The following SEMA3C variants were observed in gnomAD, a reference collection of about 807,000 sequenced individuals.
SEMA3C encodes the protein semaphorin-3C.
A neutral mutation model predicts 89.4 loss-of-function variants in SEMA3C; 47 were observed. The observed-to-expected ratio is 0.53, with a 90% confidence interval of 0.42 to 0.67. SEMA3C has a LOEUF of 0.67. Among genes scored for constraint, SEMA3C ranks in the 30% least tolerant of loss-of-function variants. The probability of loss-of-function intolerance (pLI) is 0.00; values close to 1 mark genes in which losing one functional copy is unlikely to be tolerated. For synonymous variants in SEMA3C, 310 were observed against 320.2 expected, an observed-to-expected ratio of 0.97 and a Z score of 0.34; for missense variants, 839 against 929.1, an observed-to-expected ratio of 0.90 and a Z score of 1.26.
At chr7:80,888,755 T>A (rs905544992) in intron 2 of SEMA3C, among the ~76,000 whole-genome samples, 1 of 152,186 alleles carries the variant, frequency 6.6e-6, no homozygotes, top group African/African-American at 2.4e-5. Flanking sequence ...TAAAATATTA[T>A]AACCACAATA....
chr7:80,829,133 C>T (rs1055103478), intron 2 of SEMA3C, among the ~76,000 whole-genome samples: 11 of 151,990 alleles, frequency 7.2e-5, no homozygotes, highest in South Asian at 4.2e-4. Flanking sequence ...TGCTACTGCA[C>T]GCCAGCTCTG....
chr7:80,862,808 T>C (rs1414536003), intron 2 of SEMA3C, among the ~76,000 whole-genome samples: 1 of 152,128 alleles, frequency 6.6e-6, no homozygotes, highest in Non-Finnish European at 1.5e-5. Flanking sequence ...AGTCAACTGA[T>C]CTTCAACATA....
At chr7:80,918,321 GTACATA>G (rs1200574742) in intron 1 of SEMA3C, 3 of 152,044 alleles carry the variant, frequency 2.0e-5, no homozygotes, top group East Asian at 1.9e-4. Context: ...TCTCCCAAAA[GTACATA>G]TACAACCAAT....
intron 2 of SEMA3C, among the ~76,000 whole-genome samples, chr7:80,885,673 T>C (rs886882903): frequency 6.6e-6 from 1 of 152,072 alleles, no homozygotes; most frequent in African/African-American, 2.4e-5. Context: ...CACATGAAAA[T>C]ACAATTGTTT....
At chr7:80,913,521 T>C (rs903673497) in intron 2 of SEMA3C, among the ~76,000 whole-genome samples, 1 of 152,250 alleles carries the variant, frequency 6.6e-6, no homozygotes, top group South Asian at 2.1e-4. Flanking sequence ...GTCATGCATA[T>C]GCAAATGTAA....
chr7:80,805,891 T>C (rs1178654344), intron 6 of SEMA3C, 133 bp from the exon 7 acceptor site: 4 of 520,528 alleles, frequency 7.7e-6, no homozygotes, highest in East Asian at 3.2e-5. Context: ...TATTAATTGG[T>C]TTGCATTGTC....
intron 2 of SEMA3C, among the ~76,000 whole-genome samples, chr7:80,838,659 A>T (rs1790193498): frequency 6.6e-6 from 1 of 152,196 alleles, no homozygotes; most frequent in Non-Finnish European, 1.5e-5. Context: ...TCACAGTTTC[A>T]CATGGCTGTG....
intron 5 of SEMA3C, among the ~76,000 whole-genome samples, chr7:80,812,150 A>C (rs1344256510): frequency 1.3e-5 from 2 of 152,202 alleles, no homozygotes. Context: ...CTCCTTGAAA[A>C]AATAAAGCTA....
chr7:80,916,354 T>C (rs891734024), intron 2 of SEMA3C, among the ~76,000 whole-genome samples: 2 of 152,194 alleles, frequency 1.3e-5, no homozygotes, highest in Non-Finnish European at 2.9e-5. Flanking sequence ...TTTCTTAACA[T>C]TACCAGGTGA....
intron 2 of SEMA3C, among the ~76,000 whole-genome samples, chr7:80,909,504 G>A (rs927207981): frequency 2.0e-5 from 3 of 152,284 alleles, no homozygotes; most frequent in Non-Finnish European, 2.9e-5. Context: ...TAGGTAGAAT[G>A]TTTTATACTT....
rs759761200 is a variant in SEMA3C, at chr7:80,765,199, A to G, written c.1399T>C (p.Ser467Pro). The stretch of plus-strand genomic sequence containing the variant: ...TCCAGAATGAGCTCGCCACTGACAG[A>G]GTTGTTAGTAGGAAGAACAACCACT... ...QKVVVLPTNN[S>P]VSGELILEEL... The change falls in exon 13 of 18, where the codon TCT becomes CCT. Residue 467 changes from serine to proline, a missense_variant. Ser to Pro is a moderately conservative substitution (Grantham distance 74, BLOSUM62 -1). Coordinates refer to ENST00000265361, the MANE Select transcript of SEMA3C (RefSeq NM_006379.5). The G allele has an allele frequency of 1.2e-6, 2 of 1,613,856 alleles. No homozygotes were observed. Among genetic ancestry groups the G allele is most frequent in the Non-Finnish European group, 1.7e-6 (2 of 1,179,870 alleles).
intron 11 of SEMA3C, among the ~76,000 whole-genome samples, chr7:80,793,092 G>A (rs1788981224): frequency 6.6e-6 from 1 of 152,106 alleles, no homozygotes; most frequent in Non-Finnish European, 1.5e-5. Context: ...AAGTAATTTT[G>A]GTTAAACTTC....
chr7:80,842,018 C>T (rs958814646), intron 2 of SEMA3C, among the ~76,000 whole-genome samples: 3 of 152,166 alleles, frequency 2.0e-5, no homozygotes, highest in African/African-American at 7.2e-5. Context: ...GCTCCCTTTT[C>T]TCCTTTTTTC....
chr7:80,782,273 C>T (rs1788708124), intron 12 of SEMA3C, among the ~76,000 whole-genome samples: 1 of 152,142 alleles, frequency 6.6e-6, no homozygotes, highest in Admixed American at 6.5e-5. Context: ...TCAGTCGGTT[C>T]CAAGGTGCAG....
chr7:80,774,909 C>T (rs1788511237), intron 12 of SEMA3C, among the ~76,000 whole-genome samples: 1 of 151,830 alleles, frequency 6.6e-6, no homozygotes, highest in Admixed American at 6.6e-5. Context: ...CAAACCCTGG[C>T]ATATTTTATG....
At position 80,827,794 on chromosome 7, in the gene SEMA3C, T is replaced by C. The variant is rs76170147; in HGVS notation, c.265-307A>G. ...GAACAATACAATTTTTCACTCCTTTTGACATAGTACACTTTTCCCAACTGC... is the reference window on the plus strand; with the variant it reads ...GAACAATACAATTTTTCACTCCTTTCGACATAGTACACTTTTCCCAACTGC... On this transcript the variant is annotated intron_variant, in intron 3 of 17. Transcript: ENST00000265361. Among the ~76,000 whole-genome samples the C allele has an allele frequency of 2.8e-3, 421 of 152,276 alleles. 1 individual carries two copies. The highest frequency in any genetic ancestry group is 9.4e-3 in the African/African-American group (392 of 41,562).
chr7:80,921,384 A>C (rs1792406147), upstream of SEMA3C, among the ~76,000 whole-genome samples: 1 of 152,178 alleles, frequency 6.6e-6, no homozygotes, highest in Admixed American at 6.5e-5. Context: ...CACAGTGCTC[A>C]TGCTTGCCAG....
chr7:80,855,148 T>C (rs1332909271), intron 2 of SEMA3C, among the ~76,000 whole-genome samples: 1 of 152,158 alleles, frequency 6.6e-6, no homozygotes, highest in Non-Finnish European at 1.5e-5. Context: ...GAAAAGACTA[T>C]AAGTTATTAT....
chr7:80,837,273 G>A (rs1340608151), intron 2 of SEMA3C, among the ~76,000 whole-genome samples: 3 of 152,140 alleles, frequency 2.0e-5, no homozygotes, highest in Non-Finnish European at 4.4e-5. Flanking sequence ...AGTTTTCTGG[G>A]ATTTGACATT....
Sources: allele counts gnomAD v4.1 joint callset (sites outside exome capture counted in the v4.1 genomes callset), GRCh38; gene constraint gnomAD v4.1.1; transcripts MANE v1.5; gene names NCBI Gene and HGNC (gene_info 2026-07-23, HGNC 2026-07-21).